OR6C74: variants seen among roughly 807,000 people sequenced by gnomAD.
OR6C74 encodes the protein olfactory receptor 6C74.
For synonymous variants in OR6C74, 142 were observed against 134.2 expected, an observed-to-expected ratio of 1.06 and a Z score of -0.40; for missense variants, 361 against 362.9, an observed-to-expected ratio of 0.99 and a Z score of 0.04.
rs1052075878 is a variant in OR6C74, at chr12:55,249,253, G to A, written c.*1027G>A. Among the ~76,000 whole-genome samples the A allele has an allele frequency of 6.6e-6, 1 of 152,046 alleles. No individual in the cohort carries two copies. The highest frequency in any genetic ancestry group is 2.4e-5 in the African/African-American group (1 of 41,418). ...GATATAATGACTGATCATGTGCAGA[G>A]TATTTAAAAACTTTTCCTTTCAATA... On this transcript the variant is annotated 3_prime_UTR_variant, in exon 2 of 2. Transcript: ENST00000343399.
At position 55,247,691 on chromosome 12, in the gene OR6C74, G is replaced by A. The variant is rs749911035; in HGVS notation, c.404G>A (p.Ser135Asn). The A allele has an allele frequency of 1.2e-6, 2 of 1,613,986 alleles. No individual in the cohort carries two copies. The highest frequency in any genetic ancestry group is 1.7e-6 in the Non-Finnish European group (2 of 1,179,996). Residue 135 changes from serine to asparagine, a missense_variant, in exon 2 of 2, where the codon AGC becomes AAC. Transcript: ENST00000343399. ...CCCCTGCATTACACCACCATCATGA[G>A]CAGCAGAGTTTGCAGCTTGCTGGTC... The part of the protein sequence containing the change: ...CKPLHYTTIM[S>N]SRVCSLLVFA...
chr12:55,247,412 C>A lies in OR6C74; in HGVS notation c.125C>A (p.Thr42Asn). ...ATGTTGAGCATCACTGGGAATCTAA[C>A]CATCATCACTCTCACCCTACTGGAT... ...TYMLSITGNL[T>N]IITLTLLDLH... Residue 42 changes from threonine (T) to asparagine (N), a missense_variant, in exon 2 of 2, where the codon ACC (threonine) becomes AAC (asparagine). Thr to Asn is a moderately conservative substitution (Grantham distance 65). Transcript: ENST00000343399. 1 of 1,612,698 alleles carries A rather than the reference C, an allele frequency of 6.2e-7. No individual in the cohort carries two copies.
At chr12:55,247,075 T>C (rs1012944491) in intron 1 of OR6C74, 2 of 452,206 alleles carry the variant, frequency 4.4e-6, no homozygotes, top group Non-Finnish European at 7.7e-6. Flanking sequence ...TTTATGGCCA[T>C]TGAGAAAACA....
intron 1 of OR6C74, among the ~76,000 whole-genome samples, chr12:55,246,823 A>G (rs56334583): frequency 0.26 from 38,425 of 150,586 alleles, 5,328 homozygotes; most frequent in Middle Eastern, 0.39. Flanking sequence ...CTTAAAAGAC[A>G]GAGTTCTCAG....
chr12:55,255,922 T>C lies in OR6C74; in HGVS notation c.*7696T>C, dbSNP rs908534618. 9.2e-5 allele frequency among the ~76,000 whole-genome samples: 14 copies of C among 152,170 alleles called. No homozygotes were observed. The highest frequency in any genetic ancestry group is 1.9e-4 in the Non-Finnish European group (13 of 67,974). ...GGAGTAAGGATTAAACGAGGAAGCA[T>C]AGGGAATCTTTGGTTAGGGTAGTAA... is the stretch of plus-strand genomic sequence containing the variant. On this transcript the variant is annotated 3_prime_UTR_variant, in exon 2 of 2. Coordinates refer to ENST00000343399, the MANE Select transcript of OR6C74 (RefSeq NM_001005490.2).
rs1438055834 is a variant in OR6C74 at position 55,251,378 on chromosome 12, ATATT to A, written c.*3158_*3161del. ...CTTATCATAGCACATGTAATTAACT[ATATT>A]TATTTCTTGCAACGAACTCTAAATC... is the stretch of plus-strand genomic sequence containing the variant. On this transcript the variant is annotated 3_prime_UTR_variant, in exon 2 of 2. Coordinates refer to ENST00000343399, the MANE Select transcript of OR6C74 (RefSeq NM_001005490.2). Among the ~76,000 whole-genome samples, 1 of 152,092 alleles carries A rather than the reference ATATT, an allele frequency of 6.6e-6. No individual in the cohort carries two copies. Among genetic ancestry groups the A allele is most frequent in the African/African-American group, 2.4e-5 (1 of 41,448 alleles).
rs1954326824 is a variant in OR6C74, at chr12:55,253,961, T to A, written c.*5735T>A. On this transcript the variant is annotated 3_prime_UTR_variant, in exon 2 of 2. Coordinates refer to ENST00000343399, the MANE Select transcript of OR6C74 (RefSeq NM_001005490.2). The stretch of plus-strand genomic sequence containing the variant: ...TGGACCAGTTAGAAACCTAATGAGC[T>A]GCCTGTTTATTTTAGTCCTAGGAAC... 1.3e-5 allele frequency among the ~76,000 whole-genome samples: 2 copies of A among 152,104 alleles called. No homozygotes were observed. Among genetic ancestry groups the A allele is most frequent in the Admixed American group, 1.3e-4 (2 of 15,256 alleles).
In OR6C74 at chr12:55,256,204, C is replaced by A. The variant is rs916954616; in HGVS notation, c.*7978C>A. Among the ~76,000 whole-genome samples, 1 of 152,044 alleles carries A rather than the reference C, an allele frequency of 6.6e-6. No homozygotes were observed. The highest frequency in any genetic ancestry group is 1.5e-5 in the Non-Finnish European group (1 of 67,980). On this transcript the variant is annotated 3_prime_UTR_variant, in exon 2 of 2. Transcript: ENST00000343399. Reference sequence around the variant, plus strand: ...CACCAAGATTCCTGTCCCAGAAAAGCAGATGTTCATAGCTCTGGGAATGGA... The same window carrying A: ...CACCAAGATTCCTGTCCCAGAAAAGAAGATGTTCATAGCTCTGGGAATGGA...
In OR6C74 at chr12:55,250,856, C is replaced by G; in HGVS notation, c.*2630C>G. ...AAAAGTAATGGTGAAATCACAATTC[C>G]TTTTGTACCAACCTAATATATACTG... On this transcript the variant is annotated 3_prime_UTR_variant, in exon 2 of 2. Transcript: ENST00000343399. Among the ~76,000 whole-genome samples, 1 of 151,928 alleles carries G rather than the reference C, an allele frequency of 6.6e-6. No individual in the cohort carries two copies. Among genetic ancestry groups the G allele is most frequent in the Non-Finnish European group, 1.5e-5 (1 of 67,966 alleles).
chr12:55,245,847 A>G (rs1419554549), intron 1 of OR6C74, among the ~76,000 whole-genome samples: 3 of 152,194 alleles, frequency 2.0e-5, no homozygotes, highest in South Asian at 4.1e-4. Flanking sequence ...TTCCTAATGA[A>G]TATGGACTAC....
In OR6C74 at chr12:55,251,184, G is replaced by A. The variant is rs902549470; in HGVS notation, c.*2958G>A. 5.9e-5 allele frequency among the ~76,000 whole-genome samples: 9 copies of A among 152,052 alleles called. No homozygotes were observed. The highest frequency in any genetic ancestry group is 2.2e-4 in the African/African-American group (9 of 41,430). ...AAGTATATTGCAAAACTTGTGTGCT[G>A]TCACGTATATTGAATGCCTGCCCAT... On this transcript the variant is annotated 3_prime_UTR_variant, in exon 2 of 2. Transcript: ENST00000343399.
At chr12:55,246,014 T>C (rs10876730) in intron 1 of OR6C74, among the ~76,000 whole-genome samples, 47,771 of 151,868 alleles carry the variant, frequency 0.31, 7,663 homozygotes, top group Middle Eastern at 0.4. Context: ...TGTGTTTCAC[T>C]CCAGAGCTGG....
rs1439414647 is a variant in OR6C74 at position 55,248,126 on chromosome 12, C to G, written c.839C>G (p.Ala280Gly). Residue 280 changes from alanine to glycine, a missense_variant, in exon 2 of 2, where the codon GCC becomes GGC. Coordinates refer to ENST00000343399, the MANE Select transcript of OR6C74 (RefSeq NM_001005490.2). ...KGIALLSTSV[A>G]PMLNPFIYTL... ...ATAGCTCTGCTCAGCACTTCTGTTG[C>G]CCCCATGTTGAATCCCTTTATTTAT... 3 of 1,613,412 alleles carry G rather than the reference C, an allele frequency of 1.9e-6. No homozygotes were observed. The highest frequency in any genetic ancestry group is 2.5e-6 in the Non-Finnish European group (3 of 1,179,508).
Position 55,252,464 on chromosome 12 carries a change from A to G in OR6C74, c.*4238A>G, listed in dbSNP as rs1954317622. Among the ~76,000 whole-genome samples the G allele has an allele frequency of 6.6e-6, 1 of 151,498 alleles. No individual in the cohort carries two copies. Among genetic ancestry groups the G allele is most frequent in the African/African-American group, 2.4e-5 (1 of 41,266 alleles). The stretch of plus-strand genomic sequence containing the variant: ...TGTTAATCAGCTGTCTTGATTTTGC[A>G]TTTTTATGTAATTTTCTAAAAGCAC... On this transcript the variant is annotated 3_prime_UTR_variant, in exon 2 of 2. Transcript: ENST00000343399.
chr12:55,248,149 T>C lies in OR6C74; in HGVS notation c.862T>C (p.Tyr288His), dbSNP rs1954288573. Residue 288 changes from tyrosine to histidine, a missense_variant, in exon 2 of 2, where the codon TAT (tyrosine) becomes CAT (histidine). Tyr to His is a moderately conservative substitution (Grantham distance 83). Coordinates refer to ENST00000343399, the MANE Select transcript of OR6C74 (RefSeq NM_001005490.2). ...TGCCCCCATGTTGAATCCCTTTATTTATACACTGAGAAACAAACAAGTAAA... is the reference window on the plus strand; with the variant it reads ...TGCCCCCATGTTGAATCCCTTTATTCATACACTGAGAAACAAACAAGTAAA... The part of the protein sequence containing the change: ...SVAPMLNPFI[Y>H]TLRNKQVKDV... The C allele has an allele frequency of 3.1e-6, 5 of 1,613,874 alleles. No individual in the cohort carries two copies. In the East Asian group the frequency reaches 1.1e-4, roughly 36 times the overall value.
rs1050739576 is a variant in OR6C74 at position 55,253,770 on chromosome 12, G to A, written c.*5544G>A. ...ACATATCTATTGAAGGACACTAGCG[G>A]AAGATTTGGATATTAATATGCATGA... On this transcript the variant is annotated 3_prime_UTR_variant, in exon 2 of 2. Transcript: ENST00000343399. 3.9e-5 allele frequency among the ~76,000 whole-genome samples: 6 copies of A among 152,088 alleles called. No individual in the cohort carries two copies. The highest frequency in any genetic ancestry group is 8.8e-5 in the Non-Finnish European group (6 of 67,976).
In OR6C74 at chr12:55,248,109, G is replaced by T. The variant is rs146166839; in HGVS notation, c.822G>T (p.Leu274=). 8.7e-4 allele frequency: 1,397 copies of T among 1,613,594 alleles called. 1 individual carries two copies. Among genetic ancestry groups the T allele is most frequent in the Non-Finnish European group, 1.1e-3 (1,323 of 1,179,680 alleles). The change falls in exon 2 of 2, where the codon CTG becomes CTT. Residue 274 remains leucine (L), a synonymous_variant. Transcript: ENST00000343399. ...TGTCATTAAATAAAGGGATAGCTCT[G>T]CTCAGCACTTCTGTTGCCCCCATGT... ...ERVSLNKGIA[L]LSTSVAPMLN... is the part of the protein sequence containing the mutation.
rs140036387 is a variant in OR6C74, at chr12:55,251,287, C to G, written c.*3061C>G. On this transcript the variant is annotated 3_prime_UTR_variant, in exon 2 of 2. Coordinates refer to ENST00000343399, the MANE Select transcript of OR6C74 (RefSeq NM_001005490.2). ...ATGGAGACTTCTGTGGAAGGCTGGT[C>G]GACAAGTATATGTTAGTCACTTCAT... Among the ~76,000 whole-genome samples the G allele has an allele frequency of 4.2e-3, 634 of 152,040 alleles. 4 individuals are homozygous for G. The highest frequency in any genetic ancestry group is 0.014 in the African/African-American group (585 of 41,482).
In OR6C74 at chr12:55,250,750, T is replaced by C. The variant is rs1392075714; in HGVS notation, c.*2524T>C. On this transcript the variant is annotated 3_prime_UTR_variant, in exon 2 of 2. Coordinates refer to ENST00000343399, the MANE Select transcript of OR6C74 (RefSeq NM_001005490.2). ...AAAATAACCAACTGTTTTTCACCAG[T>C]ATTAGGTTGGCGCAAAAGGAATTGC... is the stretch of plus-strand genomic sequence containing the variant. 6.6e-6 allele frequency among the ~76,000 whole-genome samples: 1 copy of C among 152,140 alleles called. No homozygotes were observed. Among genetic ancestry groups the C allele is most frequent in the Non-Finnish European group, 1.5e-5 (1 of 68,000 alleles).
Sources: allele counts gnomAD v4.1 joint callset (sites outside exome capture counted in the v4.1 genomes callset), GRCh38; gene constraint gnomAD v4.1.1; transcripts MANE v1.5; gene names NCBI Gene and HGNC (gene_info 2026-07-23, HGNC 2026-07-21).